The following DNAJC11 variants were observed in gnomAD, a reference collection of about 807,000 sequenced individuals.
DNAJC11 encodes DnaJ heat shock protein family (Hsp40) member C11.
In DNAJC11, 15 loss-of-function variants were observed where a neutral mutation model predicts 78.6. That is an observed-to-expected ratio of 0.19 (90% CI 0.13 to 0.29). DNAJC11 has a LOEUF of 0.29. Ranked by LOEUF, DNAJC11 falls within the 10% of genes least tolerant of loss-of-function variation. The probability of loss-of-function intolerance (pLI) is 1.00; values close to 1 mark genes in which losing one functional copy is unlikely to be tolerated. For missense variants in DNAJC11, 547 were observed against 709.6 expected (o/e 0.77, Z 2.60); for synonymous variants, 292 against 272.1 (o/e 1.07, Z -0.72).
rs1641747054 is a variant in DNAJC11, at chr1:6,635,541, T to TTGA, written c.*131_*133dup. On this transcript the variant is annotated 3_prime_UTR_variant, in exon 16 of 16. Coordinates refer to ENST00000377577, the MANE Select transcript of DNAJC11 (RefSeq NM_018198.4). ...GGTGTCTGCATGTCCCTTCACATAA[T>TTGA]TGATAATGGTACCACCTTCTATAAT... 9.9e-7 allele frequency: 1 copy of TTGA among 1,009,722 alleles called. No individual in the cohort carries two copies. Among genetic ancestry groups the TTGA allele is most frequent in the Admixed American group, 2.5e-5 (1 of 40,176 alleles). 62.5% of individuals were successfully genotyped at this position (1,009,722 alleles called of 1,614,324 possible).
chr1:6,662,238 G>C (rs1410642052), intron 4 of DNAJC11, among the ~76,000 whole-genome samples: 1 of 150,478 alleles, frequency 6.6e-6, no homozygotes, highest in Non-Finnish European at 1.5e-5. Flanking sequence ...TTGTTGCTCA[G>C]GCTGGAGTGC....
chr1:6,656,051 A>C (rs1273469687), intron 4 of DNAJC11, among the ~76,000 whole-genome samples: 1 of 147,662 alleles, frequency 6.8e-6, no homozygotes, highest in Non-Finnish European at 1.5e-5. Context: ...GCAGTGAGCC[A>C]AGATTGTGCC....
intron 4 of DNAJC11, among the ~76,000 whole-genome samples, chr1:6,663,454 G>A (rs1222759003): frequency 6.6e-6 from 1 of 151,944 alleles, no homozygotes; most frequent in African/African-American, 2.4e-5. Context: ...AAGATTTATG[G>A]GTATTAAGGA....
rs1641947992 is a variant in DNAJC11, at chr1:6,645,261, G to A, written c.895-135C>T. 5 of 640,772 alleles carry A rather than the reference G, an allele frequency of 7.8e-6. No individual in the cohort carries two copies. Among genetic ancestry groups the A allele is most frequent in the East Asian group, 2.7e-5 (1 of 37,288 alleles). The allele number at this position is 640,772 out of a possible 1,614,324, so 39.7% of individuals were successfully genotyped here. On this transcript the variant is annotated intron_variant, in intron 8 of 15. Transcript: ENST00000377577. The surrounding 1 kb of genome is among the most constrained non-coding windows in gnomAD (Gnocchi z 4.1). ...AGGCAGGGGTCACGGTCTGGCAGCC[G>A]CAGTGAGTGCACCATGATTTATTAG... is the stretch of plus-strand genomic sequence containing the variant.
At chr1:6,643,257 G>T (rs1320424664) in intron 10 of DNAJC11, among the ~76,000 whole-genome samples, 1 of 150,672 alleles carries the variant, frequency 6.6e-6, no homozygotes, top group Non-Finnish European at 1.5e-5. Context: ...GAAAGAAGAC[G>T]GATGCAAGCG....
chr1:6,654,781 C>A (rs990821263), intron 4 of DNAJC11, among the ~76,000 whole-genome samples: 1 of 141,816 alleles, frequency 7.1e-6, no homozygotes. Flanking sequence ...GCTAGCTTTT[C>A]TTTTTTTTTT....
chr1:6,698,330 C>T (rs1202621187), intron 1 of DNAJC11, among the ~76,000 whole-genome samples: 1 of 152,180 alleles, frequency 6.6e-6, no homozygotes, highest in Non-Finnish European at 1.5e-5. Flanking sequence ...TCCAACCACA[C>T]ATTAAGATTT....
chr1:6,665,011 A>G (rs1642273516), intron 4 of DNAJC11, among the ~76,000 whole-genome samples: 1 of 152,176 alleles, frequency 6.6e-6, no homozygotes, highest in African/African-American at 2.4e-5. Flanking sequence ...AACCCCTCTG[A>G]GCTGAGGTCC....
intron 3 of DNAJC11, chr1:6,670,657 T>C (rs1434654877): frequency 6.6e-6 from 1 of 152,176 alleles, no homozygotes; most frequent in Non-Finnish European, 1.5e-5. Context: ...ATAAAAAGAT[T>C]GTTAAAATCA....
At chr1:6,687,981 AT>A (rs1268615385) in intron 1 of DNAJC11, among the ~76,000 whole-genome samples, 4 of 152,230 alleles carry the variant, frequency 2.6e-5, no homozygotes, top group African/African-American at 7.2e-5. Flanking sequence ...AAACAAAAAA[AT>A]AACCAAATAC....
At chr1:6,668,526 T>A (rs1642327126) in intron 3 of DNAJC11, among the ~76,000 whole-genome samples, 1 of 152,158 alleles carries the variant, frequency 6.6e-6, no homozygotes, top group South Asian at 2.1e-4. Context: ...CTCTCCCTAG[T>A]GGTCTGAGAC....
chr1:6,683,847 G>A (rs116373628), intron 1 of DNAJC11, among the ~76,000 whole-genome samples: 2,776 of 152,298 alleles, frequency 0.018, 39 homozygotes, highest in Admixed American at 0.033. Context: ...TCTAGAAGAG[G>A]TGGGCCTCCA....
chr1:6,689,233 G>A (rs1480692604), intron 1 of DNAJC11, among the ~76,000 whole-genome samples: 2 of 152,212 alleles, frequency 1.3e-5, no homozygotes, highest in Admixed American at 6.5e-5. Context: ...GGAAACAGCA[G>A]CAGAAATTCA....
intron 15 of DNAJC11, 91 bp downstream of exon 15, chr1:6,636,026 G>A (rs914688259): frequency 4.0e-6 from 6 of 1,491,262 alleles, no homozygotes; most frequent in Non-Finnish European, 5.4e-6. Flanking sequence ...AGCTGAGGAA[G>A]GTGGAAGGTG....
intron 7 of DNAJC11, among the ~76,000 whole-genome samples, chr1:6,650,509 TGGACTATGATC>T (rs1168498717): frequency 1.3e-5 from 2 of 151,862 alleles, no homozygotes; most frequent in African/African-American, 4.8e-5. Context: ...AAGGCTGCAG[TGGACTATGATC>T]GGACTATTGC....
intron 1 of DNAJC11, among the ~76,000 whole-genome samples, chr1:6,689,217 G>C (rs899881576): frequency 1.3e-4 from 20 of 152,154 alleles, no homozygotes; most frequent in African/African-American, 3.6e-4. Context: ...ACCAGAGAGA[G>C]CTAAAGGAAA....
At chr1:6,642,420 T>C (rs1315335698) in intron 10 of DNAJC11, among the ~76,000 whole-genome samples, 2 of 152,162 alleles carry the variant, frequency 1.3e-5, no homozygotes, top group South Asian at 2.1e-4. Context: ...GATACAATTT[T>C]GGAGTACATG....
intron 4 of DNAJC11, among the ~76,000 whole-genome samples, chr1:6,660,426 GA>G (rs1489617622): frequency 2.0e-5 from 3 of 152,048 alleles, no homozygotes; most frequent in African/African-American, 7.2e-5. Flanking sequence ...CAAGTGCTGG[GA>G]TTACAGGCAT....
intron 6 of DNAJC11, among the ~76,000 whole-genome samples, 158 bp from the exon 7 acceptor site, chr1:6,651,760 T>G (rs1197466789): frequency 6.6e-6 from 1 of 152,250 alleles, no homozygotes; most frequent in Non-Finnish European, 1.5e-5. Flanking sequence ...ATGTCTCATC[T>G]TAACCTTTGC....
Sources: gnomAD v4.1 joint callset for allele counts (sites outside exome capture counted in the v4.1 genomes callset) on GRCh38, gnomAD v4.1.1 for gene constraint, Gnocchi (gnomAD v3.1) non-coding constraint, MANE v1.5 for transcripts, NCBI Gene and HGNC (gene_info 2026-07-23, HGNC 2026-07-21) for gene names.